LYN: variants seen among roughly 807,000 people sequenced by gnomAD.
LYN encodes LYN proto-oncogene, Src family tyrosine kinase.
Under a neutral mutation model 65.0 loss-of-function variants are expected in LYN, and 12 were observed. That is an observed-to-expected ratio of 0.18 (90% CI 0.12 to 0.30). The LOEUF is 0.30. Among genes scored for constraint, LYN ranks in the 10% least tolerant of loss-of-function variants. LYN has a pLI of 1.00. For synonymous variants in LYN, 222 were observed against 221.2 expected, an observed-to-expected ratio of 1.00 and a Z score of -0.03; for missense variants, 380 against 623.2, an observed-to-expected ratio of 0.61 and a Z score of 4.16.
At chr8:55,893,074 G>T (rs541850062) in intron 1 of LYN, among the ~76,000 whole-genome samples, 60 of 152,124 alleles carry the variant, frequency 3.9e-4, no homozygotes, top group South Asian at 1.5e-3. Flanking sequence ...AGATTTTCAA[G>T]CTGTGGGTTT....
chr8:56,009,891 G>GT lies in LYN; in HGVS notation c.1337-10dup, dbSNP rs760527134. 4.3e-6 allele frequency: 7 copies of GT among 1,609,458 alleles called. No individual in the cohort carries two copies. Among genetic ancestry groups the GT allele is most frequent in the South Asian group, 3.3e-5 (3 of 90,714 alleles). Reference sequence around the variant, plus strand: ...AACGGCATGGGTTTCTGTTCTTTTTGTTTTTTTCCACCCTAGGGAGAACTA... The same window carrying GT: ...AACGGCATGGGTTTCTGTTCTTTTTGTTTTTTTTCCACCCTAGGGAGAACTA... On this transcript the variant is annotated splice_polypyrimidine_tract_variant and intron_variant, in intron 12 of 12. Transcript: ENST00000519728.
Position 55,880,012 on chromosome 8 carries a change from C to T in LYN, c.-97C>T, listed in dbSNP as rs1343988065. Reference sequence around the variant, plus strand: ...GTTCCCGGCCAGCAGCCTCCCCATACGCAGGTCCTGCTGGGCCGCCCCGTC... The same window carrying T: ...GTTCCCGGCCAGCAGCCTCCCCATATGCAGGTCCTGCTGGGCCGCCCCGTC... On this transcript the variant is annotated 5_prime_UTR_variant, in exon 1 of 13. The change creates a new upstream start codon in the 5' untranslated region. Coordinates refer to ENST00000519728, the MANE Select transcript of LYN (RefSeq NM_002350.4). The T allele has an allele frequency of 1.3e-5, 4 of 298,828 alleles. No individual in the cohort carries two copies. 18.5% of individuals were successfully genotyped at this position (298,828 alleles called of 1,614,324 possible). A position where few individuals can be genotyped will look rare whatever the true frequency, so the allele number is the denominator to read the frequency against.
At chr8:55,881,628 G>A (rs1804655738) in intron 1 of LYN, among the ~76,000 whole-genome samples, 1 of 152,110 alleles carries the variant, frequency 6.6e-6, no homozygotes, top group South Asian at 2.1e-4. Context: ...AAGGATAGAG[G>A]GCAGCAGATG....
At chr8:55,898,442 C>G (rs559181188) in intron 1 of LYN, among the ~76,000 whole-genome samples, 1 of 152,092 alleles carries the variant, frequency 6.6e-6, no homozygotes, top group African/African-American at 2.4e-5. Context: ...GCACGTGCAA[C>G]CATGCCTGGC....
chr8:55,939,298 T>G (rs1806528193), intron 1 of LYN, among the ~76,000 whole-genome samples: 2 of 152,204 alleles, frequency 1.3e-5, no homozygotes, highest in South Asian at 2.1e-4. Flanking sequence ...GTGGCTTTAA[T>G]TTTTTCATTT....
At position 55,879,962 on chromosome 8, in the gene LYN, A is replaced by C; in HGVS notation, c.-147A>C. ...GCCGCGCCACCCCCGGCCCCGCGCC[A>C]GCAGCCCCTCGCCGCGCGTCCAGCG... On this transcript the variant is annotated 5_prime_UTR_variant, in exon 1 of 13. Coordinates refer to ENST00000519728, the MANE Select transcript of LYN (RefSeq NM_002350.4). 4.2e-6 allele frequency: 1 copy of C among 240,478 alleles called. No individual in the cohort carries two copies. The highest frequency in any genetic ancestry group is 4.3e-5 in the South Asian group (1 of 23,316). 14.9% of individuals were successfully genotyped at this position (240,478 alleles called of 1,614,324 possible). A position where few individuals can be genotyped will look rare whatever the true frequency, so the allele number is the denominator to read the frequency against.
At position 55,985,866 on chromosome 8, in the gene LYN, C is replaced by T. The variant is rs191365256; in HGVS notation, c.1051-12480C>T. 2.0e-5 allele frequency among the ~76,000 whole-genome samples: 3 copies of T among 152,236 alleles called. No homozygotes were observed. The East Asian group carries it at 5.8e-4, about 29-fold the overall frequency. On this transcript the variant is annotated intron_variant, in intron 10 of 12. Transcript: ENST00000519728. The stretch of plus-strand genomic sequence containing the variant: ...TAATGGAGATACCTTGACCTTCAGT[C>T]TTTTAATATACTAAGGGTGACCAGG...
intron 10 of LYN, among the ~76,000 whole-genome samples, chr8:55,982,947 G>T (rs1019647990): frequency 6.6e-6 from 1 of 151,676 alleles, no homozygotes; most frequent in African/African-American, 2.4e-5. Flanking sequence ...CCGCCCCTCC[G>T]CTCCTGCTTC....
intron 8 of LYN, among the ~76,000 whole-genome samples, chr8:55,962,862 C>T (rs1807327524): frequency 1.3e-5 from 2 of 152,176 alleles, no homozygotes; most frequent in Admixed American, 1.3e-4. Flanking sequence ...CCTCAGGAAG[C>T]TTCCATTCAA....
chr8:55,896,250 G>A (rs7821714), intron 1 of LYN, among the ~76,000 whole-genome samples: 136,700 of 151,514 alleles, frequency 0.9, 61,715 homozygotes, highest in East Asian at 0.98. Flanking sequence ...AGCCTGGGTA[G>A]CAGAGCAAGA....
intron 12 of LYN, among the ~76,000 whole-genome samples, chr8:56,007,026 A>C (rs963873429): frequency 1.3e-5 from 2 of 152,192 alleles, no homozygotes; most frequent in African/African-American, 4.8e-5. Context: ...TACCAGCATC[A>C]TCGAGAGTCC....
At chr8:55,925,746 A>G (rs754884620) in intron 1 of LYN, among the ~76,000 whole-genome samples, 10 of 152,250 alleles carry the variant, frequency 6.6e-5, no homozygotes, top group Non-Finnish European at 1.3e-4. Flanking sequence ...TCCTGAGGAC[A>G]CCCTGGACGC....
chr8:55,893,799 G>GT (rs11416891), intron 1 of LYN: 60,496 of 150,740 alleles, frequency 0.4, 12,582 homozygotes, highest in East Asian at 0.67. Flanking sequence ...GTTTTGTTTT[G>GT]TTTTTTTTTA....
At chr8:55,999,751 C>T (rs1808465343) in intron 12 of LYN, among the ~76,000 whole-genome samples, 1 of 152,162 alleles carries the variant, frequency 6.6e-6, no homozygotes, top group Admixed American at 6.5e-5. Flanking sequence ...GCAGGTGGAT[C>T]ACCTGAGGTC....
chr8:55,946,377 A>T, intron 2 of LYN, 71 bp from the exon 3 acceptor site: 1 of 964,324 alleles, frequency 1.0e-6, no homozygotes, highest in South Asian at 1.3e-5. Flanking sequence ...TACAAAAATC[A>T]TATATACAAC....
chr8:55,979,850 C>T lies in LYN; in HGVS notation c.1050+10057C>T, dbSNP rs574912903. Among the ~76,000 whole-genome samples, 16 of 152,328 alleles carry T rather than the reference C, an allele frequency of 1.1e-4. No individual in the cohort carries two copies. The South Asian group carries it at 3.3e-3, about 32-fold the overall frequency. On this transcript the variant is annotated intron_variant, in intron 10 of 12. Coordinates refer to ENST00000519728, the MANE Select transcript of LYN (RefSeq NM_002350.4). Reference sequence around the variant, plus strand: ...GCTCAGAGGGATGCCACAGCATCTCCGGGGCTGCCAGAGGGCCGCCCACCC... The same window carrying T: ...GCTCAGAGGGATGCCACAGCATCTCTGGGGCTGCCAGAGGGCCGCCCACCC...
chr8:55,896,384 C>T (rs1805100374), intron 1 of LYN, among the ~76,000 whole-genome samples: 1 of 152,150 alleles, frequency 6.6e-6, no homozygotes, highest in African/African-American at 2.4e-5. Context: ...AACCATCATT[C>T]TCAGCAAACT....
chr8:55,965,567 T>C (rs1056649704), intron 8 of LYN, among the ~76,000 whole-genome samples: 2 of 152,210 alleles, frequency 1.3e-5, no homozygotes, highest in Non-Finnish European at 2.9e-5. Flanking sequence ...GTTAAAGATA[T>C]GGTGAACAAA....
At chr8:55,919,917 T>TGGG (rs147443978) in intron 1 of LYN, among the ~76,000 whole-genome samples, 3 of 112,280 alleles carry the variant, frequency 2.7e-5, no homozygotes, top group African/African-American at 9.5e-5. Context: ...GCGGGGGGAG[T>TGGG]GGGGGTGGGA....
Sources: allele counts gnomAD v4.1 joint callset (sites outside exome capture counted in the v4.1 genomes callset), GRCh38; gene constraint gnomAD v4.1.1; transcripts MANE v1.5; gene names NCBI Gene and HGNC (gene_info 2026-07-23, HGNC 2026-07-21).